The following KIAA0232 variants were observed in gnomAD, a reference collection of about 807,000 sequenced individuals.
KIAA0232 encodes KIAA0232.
Under a neutral mutation model 122.0 loss-of-function variants are expected in KIAA0232, and 27 were observed. That is an observed-to-expected ratio of 0.22 (90% CI 0.16 to 0.31). KIAA0232 has a LOEUF of 0.31. Ranked by LOEUF, KIAA0232 falls within the 10% of genes least tolerant of loss-of-function variation. The probability of loss-of-function intolerance (pLI) is 1.00; values close to 1 mark genes in which losing one functional copy is unlikely to be tolerated. For synonymous variants in KIAA0232, 613 were observed against 587.6 expected, an observed-to-expected ratio of 1.04 and a Z score of -0.63; for missense variants, 1,551 against 1,634.2, an observed-to-expected ratio of 0.95 and a Z score of 0.88.
At chr4:6,825,774 TAG>T (rs1224717090) in intron 3 of KIAA0232, among the ~76,000 whole-genome samples, 1 of 152,190 alleles carries the variant, frequency 6.6e-6, no homozygotes, top group Non-Finnish European at 1.5e-5. Context: ...TTGGTTTTTA[TAG>T]ACAGTAAAAA....
At chr4:6,846,617 C>G (rs181354938) in intron 4 of KIAA0232, among the ~76,000 whole-genome samples, 51 of 151,986 alleles carry the variant, frequency 3.4e-4, no homozygotes, top group African/African-American at 9.7e-4. Context: ...ACACTGGGGA[C>G]CACTGCCTTA....
intron 1 of KIAA0232, among the ~76,000 whole-genome samples, chr4:6,789,362 C>T (rs1716782565): frequency 6.6e-6 from 1 of 151,014 alleles, no homozygotes; most frequent in South Asian, 2.1e-4. Flanking sequence ...CAACCTCTGT[C>T]TCGTGGGTTC....
chr4:6,851,579 G>C (rs1022553028), intron 4 of KIAA0232, among the ~76,000 whole-genome samples: 2 of 151,912 alleles, frequency 1.3e-5, no homozygotes, highest in South Asian at 2.1e-4. Context: ...CAAGTGTGGT[G>C]GCACACGCCT....
chr4:6,837,662 G>C (rs1044272549), intron 3 of KIAA0232, among the ~76,000 whole-genome samples: 1 of 152,248 alleles, frequency 6.6e-6, no homozygotes, highest in Admixed American at 6.5e-5. Flanking sequence ...CTGCAATCCC[G>C]GCACCTCGGG....
At chr4:6,858,566 C>A in intron 6 of KIAA0232, 60 bp downstream of exon 6, 1 of 1,070,862 alleles carries the variant, frequency 9.3e-7, no homozygotes, top group South Asian at 1.5e-5. Context: ...TGAATAACTG[C>A]TACATGGTTT....
chr4:6,884,138 AAG>A lies in KIAA0232; in HGVS notation c.*3174_*3175del, dbSNP rs1168244793. 1 of 152,216 alleles carries A rather than the reference AAG, an allele frequency of 6.6e-6. No homozygotes were observed. Among genetic ancestry groups the A allele is most frequent in the Non-Finnish European group, 1.5e-5 (1 of 68,036 alleles). The allele number at this position is 152,216 out of a possible 1,614,324, so 9.4% of individuals were successfully genotyped here. Reference sequence around the variant, plus strand: ...AAAAGTTCATGGAAAATGGAATTAAAAGAAAAATAAAAAAATATAAACTTTAT... The same window carrying A: ...AAAAGTTCATGGAAAATGGAATTAAAAAAAATAAAAAAATATAAACTTTAT... On this transcript the variant is annotated 3_prime_UTR_variant, in exon 10 of 10. Transcript: ENST00000307659.
intron 8 of KIAA0232, among the ~76,000 whole-genome samples, chr4:6,876,185 C>T (rs534315847): frequency 2.4e-4 from 37 of 152,314 alleles, no homozygotes; most frequent in African/African-American, 7.2e-4. Context: ...CACACAAGGA[C>T]GTGACCCTGT....
chr4:6,821,415 T>C (rs925276269), intron 2 of KIAA0232, among the ~76,000 whole-genome samples: 3 of 152,100 alleles, frequency 2.0e-5, no homozygotes, highest in Non-Finnish European at 2.9e-5. Context: ...ACTGGTATCA[T>C]TCTTATGCCT....
At chr4:6,793,279 CTG>C (rs1716987133) in intron 1 of KIAA0232, among the ~76,000 whole-genome samples, 2 of 152,100 alleles carry the variant, frequency 1.3e-5, no homozygotes, top group African/African-American at 2.4e-5. Context: ...TAAAAAACAA[CTG>C]TTTATTTGAA....
rs74937263 is a variant in KIAA0232 at position 6,851,722 on chromosome 4, T to TAAAAAAAA, written c.370-5429_370-5422dup. 3.1e-5 allele frequency among the ~76,000 whole-genome samples: 3 copies of TAAAAAAAA among 97,218 alleles called. 1 individual carries two copies. Among genetic ancestry groups the TAAAAAAAA allele is most frequent in the Non-Finnish European group, 1.9e-5 (1 of 51,414 alleles). The allele number at this position is 97,218 out of a possible 152,430, so 63.8% of individuals were successfully genotyped here. A position where few individuals can be genotyped will look rare whatever the true frequency, so the allele number is the denominator to read the frequency against. On this transcript the variant is annotated intron_variant, in intron 4 of 9. Transcript: ENST00000307659. The stretch of plus-strand genomic sequence containing the variant: ...CAGAGCAAGATCCTATCTCAAAAAT[T>TAAAAAAAA]AAAAAAAAAAAAAAAAAAAAGCGGG...
rs1721044940 is a variant in KIAA0232 at position 6,864,183 on chromosome 4, G to C, written c.3801G>C (p.Glu1267Asp). 9 of 1,605,640 alleles carry C rather than the reference G, an allele frequency of 5.6e-6. No individual in the cohort carries two copies. The highest frequency in any genetic ancestry group is 7.7e-6 in the Non-Finnish European group (9 of 1,175,382). The change falls in exon 7 of 10, where the codon GAG (glutamate) becomes GAC (aspartate). Residue 1267 changes from glutamate to aspartate, a missense_variant and splice_region_variant. Physicochemically the swap from Glu to Asp is conservative, Grantham distance 45. Coordinates refer to ENST00000307659, the MANE Select transcript of KIAA0232 (RefSeq NM_014743.3). ...DNPVSSGQLE[E>D]FPVLNTDIQG... ...CAGTTTCTTCGGGACAGCTGGAAGA[G>C]GTATGTGTCTGCGTGTTGGTATTTG...
chr4:6,843,843 C>A (rs1170022071), intron 4 of KIAA0232, among the ~76,000 whole-genome samples: 2 of 151,282 alleles, frequency 1.3e-5, no homozygotes, highest in Non-Finnish European at 2.9e-5. Context: ...TTGTGTATAC[C>A]TCAAATAACA....
intron 4 of KIAA0232, among the ~76,000 whole-genome samples, chr4:6,848,412 A>G (rs775195932): frequency 4.6e-5 from 7 of 152,276 alleles, no homozygotes; most frequent in South Asian, 4.1e-4. Flanking sequence ...AAATATTTGG[A>G]AAAAAATGGA....
At chr4:6,802,869 T>C (rs1222616959) in intron 1 of KIAA0232, among the ~76,000 whole-genome samples, 3 of 151,572 alleles carry the variant, frequency 2.0e-5, no homozygotes, top group Non-Finnish European at 1.5e-5. Flanking sequence ...CGAATATGAG[T>C]GCATATAGCT....
chr4:6,879,876 A>C (rs13128984), intron 9 of KIAA0232, among the ~76,000 whole-genome samples: 850 of 23,746 alleles, frequency 0.036, 12 homozygotes, highest in Non-Finnish European at 0.063. Flanking sequence ...CCCAACACAC[A>C]GGTCTGCAGT....
chr4:6,882,747 C>G lies in KIAA0232; in HGVS notation c.*1781C>G, dbSNP rs1376649709. 6.6e-6 allele frequency: 1 copy of G among 152,572 alleles called. No homozygotes were observed. Among genetic ancestry groups the G allele is most frequent in the Non-Finnish European group, 1.5e-5 (1 of 68,030 alleles). The allele number at this position is 152,572 out of a possible 1,614,324, so 9.5% of individuals were successfully genotyped here. A position where few individuals can be genotyped will look rare whatever the true frequency, so the allele number is the denominator to read the frequency against. On this transcript the variant is annotated 3_prime_UTR_variant, in exon 10 of 10. Transcript: ENST00000307659. ...GTATTTTTCATTCTTCTGGAGCTTC[C>G]TAAAAATTGATAAGCATCTGCACTG... is the stretch of plus-strand genomic sequence containing the variant.
chr4:6,825,112 G>T (rs556073850), intron 3 of KIAA0232, among the ~76,000 whole-genome samples: 4 of 152,206 alleles, frequency 2.6e-5, no homozygotes, highest in Non-Finnish European at 5.9e-5. Context: ...CTGCAAGAAT[G>T]ATGTTTATCT....
chr4:6,798,442 T>C (rs2108907395), intron 1 of KIAA0232, among the ~76,000 whole-genome samples: 2 of 152,346 alleles, frequency 1.3e-5, no homozygotes, highest in Middle Eastern at 3.4e-3. Context: ...AGTGTAGCAT[T>C]GGCTACTACT....
chr4:6,791,722 T>TA (rs1226068878), intron 1 of KIAA0232, among the ~76,000 whole-genome samples: 2 of 152,148 alleles, frequency 1.3e-5, no homozygotes, highest in African/African-American at 2.4e-5. Context: ...AGATAAATTT[T>TA]AAAAAATGGA....
Sources: gnomAD v4.1 joint callset for allele counts (sites outside exome capture counted in the v4.1 genomes callset) on GRCh38, gnomAD v4.1.1 for gene constraint, MANE v1.5 for transcripts, NCBI Gene and HGNC (gene_info 2026-07-23, HGNC 2026-07-21) for gene names.